AP3B2: variants seen among roughly 807,000 people sequenced by gnomAD.
AP3B2 encodes AP-3 complex subunit beta-2.
AP3B2 carries 50 observed loss-of-function variants against 126.9 expected under a neutral mutation model. The ratio of observed to expected loss-of-function variants is 0.39; its 90% CI spans 0.31 to 0.50. The LOEUF is 0.50. Among genes scored for constraint, AP3B2 ranks in the 20% least tolerant of loss-of-function variants. The pLI is 0.79. For missense variants in AP3B2, 1,177 were observed against 1,426.4 expected, an observed-to-expected ratio of 0.83 and a Z score of 2.82; for synonymous variants, 541 against 565.0, an observed-to-expected ratio of 0.96 and a Z score of 0.60.
In AP3B2 at chr15:82,667,048, G is replaced by A. The variant is rs575733757; in HGVS notation, c.1666-115C>T. On this transcript the variant is annotated intron_variant, in intron 14 of 26. Transcript: ENST00000535359. ...CAGAACGTCTCCTCTCCCTGCTTAG[G>A]ACCGGCGCTTCCACCCAGCTGTCCC... The A allele has an allele frequency of 3.8e-5, 41 of 1,081,450 alleles. No individual in the cohort carries two copies. In the African/African-American group the frequency reaches 6.3e-4, roughly 17 times the overall value. 67.0% of individuals were successfully genotyped at this position (1,081,450 alleles called of 1,614,324 possible).
chr15:82,701,124 G>A (rs2048714449), intron 1 of AP3B2, among the ~76,000 whole-genome samples: 1 of 152,144 alleles, frequency 6.6e-6, no homozygotes, highest in Non-Finnish European at 1.5e-5. Flanking sequence ...GCCTCCCAAA[G>A]TGCTGGGATT....
chr15:82,659,799 C>A, intron 26 of AP3B2, 46 bp downstream of exon 26: 1 of 1,609,470 alleles, frequency 6.2e-7, no homozygotes, highest in Non-Finnish European at 8.5e-7. Flanking sequence ...TCCTTCAAAC[C>A]AGGGCCCCCA....
At chr15:82,688,940 ACT>A in intron 3 of AP3B2, 109 bp from the exon 4 acceptor site, 1 of 1,141,248 alleles carries the variant, frequency 8.8e-7, no homozygotes, top group Non-Finnish European at 1.3e-6. Context: ...ATGGGGACAA[ACT>A]CTCCCAGTGG....
At chr15:82,689,484 G>C in intron 1 of AP3B2, 31 bp from the exon 2 acceptor site, 1 of 1,603,210 alleles carries the variant, frequency 6.2e-7, no homozygotes. Context: ...TCAGCTGAGG[G>C]CACAAGGGTG....
At chr15:82,685,767 A>G (rs2048416195) in intron 4 of AP3B2, 1 of 152,196 alleles carries the variant, frequency 6.6e-6, no homozygotes, top group South Asian at 2.1e-4. Flanking sequence ...GAAGTCTCAT[A>G]GCATTTCCTG....
rs991813797 is a variant in AP3B2 at position 82,680,458 on chromosome 15, G to A, written c.1055+14C>T. Reference sequence around the variant, plus strand: ...GGAGGCGAGGGAGGGGGCGGGGCTGGGGGCGGAGCGCACCTGTGGCTGCGC... The same window carrying A: ...GGAGGCGAGGGAGGGGGCGGGGCTGAGGGCGGAGCGCACCTGTGGCTGCGC... On this transcript the variant is annotated intron_variant, in intron 8 of 26. Transcript: ENST00000535359. This position sits in a 1 kb window ranked among gnomAD's most constrained non-coding sequence, Gnocchi z 6.1. 85 of 1,474,330 alleles carry A rather than the reference G, an allele frequency of 5.8e-5. No homozygotes were observed. Among genetic ancestry groups the A allele is most frequent in the Middle Eastern group, 4.9e-4 (2 of 4,106 alleles). The allele number at this position is 1,474,330 out of a possible 1,614,324, so 91.3% of individuals were successfully genotyped here.
At chr15:82,683,046 A>ATTT (rs1567267339) in intron 4 of AP3B2, among the ~76,000 whole-genome samples, 2 of 71,930 alleles carry the variant, frequency 2.8e-5, no homozygotes, top group East Asian at 9.4e-4. Context: ...CTGCACCAGG[A>ATTT]GTTTTTTTTT....
intron 14 of AP3B2, among the ~76,000 whole-genome samples, chr15:82,675,138 C>G (rs1276103816): frequency 6.6e-6 from 1 of 152,144 alleles, no homozygotes; most frequent in Non-Finnish European, 1.5e-5. Flanking sequence ...CTCTTTCTCC[C>G]TCTAACTTCT....
chr15:82,676,348 T>A lies in AP3B2; in HGVS notation c.1665+113A>T, dbSNP rs979525322. The A allele has an allele frequency of 7.6e-5, 89 of 1,168,188 alleles. 1 individual carries two copies. The highest frequency in any genetic ancestry group is 1.0e-4 in the Non-Finnish European group (86 of 836,702). The allele number at this position is 1,168,188 out of a possible 1,614,324, so 72.4% of individuals were successfully genotyped here. ...CAGACCAGCCACCTTCCCTGATTCTTCTTTTCCAAAATAGGAGCTAGAGTT... is the reference window on the plus strand; with the variant it reads ...CAGACCAGCCACCTTCCCTGATTCTACTTTTCCAAAATAGGAGCTAGAGTT... On this transcript the variant is annotated intron_variant, in intron 14 of 26. Transcript: ENST00000535359.
Position 82,675,415 on chromosome 15 carries a change from A to G in AP3B2, c.1665+1046T>C, listed in dbSNP as rs960568405. 3.3e-5 allele frequency among the ~76,000 whole-genome samples: 5 copies of G among 152,194 alleles called. No homozygotes were observed. In the East Asian group the frequency reaches 5.8e-4, roughly 18 times the overall value. On this transcript the variant is annotated intron_variant, in intron 14 of 26. Transcript: ENST00000535359. ...GCCTCTGGGGCTCACTCTGGCCACA[A>G]TGGATCAAAGAAGCCACTGAAAAAG... is the stretch of plus-strand genomic sequence containing the variant.
intron 1 of AP3B2, among the ~76,000 whole-genome samples, chr15:82,705,215 C>G (rs995308030): frequency 6.6e-6 from 1 of 152,110 alleles, no homozygotes; most frequent in African/African-American, 2.4e-5. Context: ...CCTAATCACC[C>G]TTACCGTGCT....
chr15:82,676,372 T>C lies in AP3B2; in HGVS notation c.1665+89A>G, dbSNP rs151253866. 4.6e-4 allele frequency: 638 copies of C among 1,382,610 alleles called. 4 individuals carry two copies. In the African/African-American group the frequency reaches 8.5e-3, roughly 18 times the overall value. The allele number at this position is 1,382,610 out of a possible 1,614,324, so 85.6% of individuals were successfully genotyped here. ...TTCTTTTCCAAAATAGGAGCTAGAG[T>C]TCAGCCCTGCCTAGGGAGGGCCAAA... On this transcript the variant is annotated intron_variant, in intron 14 of 26. Transcript: ENST00000535359.
Position 82,681,966 on chromosome 15 carries a change from A to ACACTCCTT in AP3B2, c.361-394_361-387dup, listed in dbSNP as rs1253114859. Among the ~76,000 whole-genome samples the ACACTCCTT allele has an allele frequency of 6.6e-6, 1 of 151,136 alleles. No homozygotes were observed. Among genetic ancestry groups the ACACTCCTT allele is most frequent in the Non-Finnish European group, 1.5e-5 (1 of 67,938 alleles). ...GGTCTCCCTTCCGGAGTTCAACCTT[A>ACACTCCTT]CACTCCTTTCTCCCAGAAATCATTG... On this transcript the variant is annotated intron_variant, in intron 4 of 26. Transcript: ENST00000535359. This position sits in a 1 kb window ranked among gnomAD's most constrained non-coding sequence, Gnocchi z 4.0.
intron 14 of AP3B2, among the ~76,000 whole-genome samples, chr15:82,674,004 C>T (rs189081304): frequency 2.0e-5 from 3 of 152,214 alleles, no homozygotes; most frequent in East Asian, 3.9e-4. Context: ...GATTACCAAC[C>T]CCCCCATCCC....
intron 22 of AP3B2, 91 bp downstream of exon 22, chr15:82,663,036 C>T: frequency 2.0e-6 from 3 of 1,487,912 alleles, no homozygotes; most frequent in South Asian, 2.4e-5. Flanking sequence ...CATCCTCCAT[C>T]ACACCCACCC....
In AP3B2 at chr15:82,676,442, G is replaced by T. The variant is rs776412279; in HGVS notation, c.1665+19C>A. On this transcript the variant is annotated intron_variant, in intron 14 of 26. Coordinates refer to ENST00000535359, the MANE Select transcript of AP3B2 (RefSeq NM_001278512.2). ...TTCTGGGGACCAGAGTATCTGGGGG[G>T]TCATCTCTTAATCTTTACCTGTTTA... 6.2e-7 allele frequency: 1 copy of T among 1,611,838 alleles called. No individual in the cohort carries two copies. The highest frequency in any genetic ancestry group is 8.5e-7 in the Non-Finnish European group (1 of 1,178,650).
intron 23 of AP3B2, 27 bp downstream of exon 23, chr15:82,662,667 C>T (rs545176317): frequency 1.9e-6 from 3 of 1,585,458 alleles, no homozygotes; most frequent in Non-Finnish European, 2.6e-6. Context: ...GAGCCTCCTC[C>T]TCCACCCCAT....
In AP3B2 at chr15:82,699,748, G is replaced by A. The variant is rs530400420; in HGVS notation, c.113+9846C>T. ...CCACCGAAGCTCCTCAGGCTCCAAG[G>A]CCTGGTACCGGAGTGGGGGCCCACC... On this transcript the variant is annotated intron_variant, in intron 1 of 26. Coordinates refer to ENST00000535359, the MANE Select transcript of AP3B2 (RefSeq NM_001278512.2). 7.5e-6 allele frequency: 3 copies of A among 399,504 alleles called. No homozygotes were observed. The Admixed American group carries it at 1.3e-4, about 18-fold the overall frequency. The allele number at this position is 399,504 out of a possible 1,614,324, so 24.7% of individuals were successfully genotyped here. A position where few individuals can be genotyped will look rare whatever the true frequency, so the allele number is the denominator to read the frequency against.
intron 4 of AP3B2, among the ~76,000 whole-genome samples, chr15:82,682,811 G>C (rs1184472628): frequency 6.6e-6 from 1 of 151,968 alleles, no homozygotes; most frequent in Non-Finnish European, 1.5e-5. Context: ...TGTAGGCTGG[G>C]CGTGATGGCT....
Sources: allele counts gnomAD v4.1 joint callset (sites outside exome capture counted in the v4.1 genomes callset), GRCh38; gene constraint gnomAD v4.1.1; non-coding constraint Gnocchi (gnomAD v3.1); transcripts MANE v1.5; gene names NCBI Gene and HGNC (gene_info 2026-07-23, HGNC 2026-07-21).